LPP: variants seen among roughly 807,000 people sequenced by gnomAD.
LPP encodes the protein lipoma-preferred partner.
A neutral mutation model predicts 60.4 loss-of-function variants in LPP; 38 were observed. That is an observed-to-expected ratio of 0.63 (90% CI 0.49 to 0.83). The LOEUF is 0.83. Among genes scored for constraint, LPP ranks in the 40% least tolerant of loss-of-function variants. The pLI, the probability that LPP is intolerant of heterozygous loss-of-function variation, is 0.00. For missense variants in LPP, 902 were observed against 783.6 expected (o/e 1.15, Z -1.80); for synonymous variants, 328 against 290.8 (o/e 1.13, Z -1.30).
intron 2 of LPP, among the ~76,000 whole-genome samples, chr3:188,327,422 CCT>C (rs1758742235): frequency 6.8e-6 from 1 of 147,838 alleles, no homozygotes; most frequent in Admixed American, 6.7e-5. Context: ...CTTAATGGAT[CCT>C]TATATTGGAT....
At chr3:188,378,165 G>C (rs1170126463) in intron 3 of LPP, among the ~76,000 whole-genome samples, 1 of 152,212 alleles carries the variant, frequency 6.6e-6, no homozygotes, top group Non-Finnish European at 1.5e-5. Context: ...GGACCCACTT[G>C]AGGAGGCAGT....
At chr3:188,372,230 A>G (rs1357062678) in intron 3 of LPP, among the ~76,000 whole-genome samples, 2 of 152,090 alleles carry the variant, frequency 1.3e-5, no homozygotes, top group African/African-American at 4.8e-5. Context: ...GTCCCCCTCT[A>G]TAAATGGTAG....
At chr3:188,243,143 A>G (rs1725584884) in intron 2 of LPP, among the ~76,000 whole-genome samples, 1 of 152,198 alleles carries the variant, frequency 6.6e-6, no homozygotes, top group Non-Finnish European at 1.5e-5. Flanking sequence ...AAATACTAAT[A>G]AGAAATGCCA....
At chr3:188,338,775 C>A (rs1762330158) in intron 2 of LPP, among the ~76,000 whole-genome samples, 1 of 152,078 alleles carries the variant, frequency 6.6e-6, no homozygotes, top group African/African-American at 2.4e-5. Flanking sequence ...TACAAAATAT[C>A]AAGTATTTTG....
At chr3:188,722,801 G>C (rs1716971318) in intron 8 of LPP, among the ~76,000 whole-genome samples, 1 of 152,116 alleles carries the variant, frequency 6.6e-6, no homozygotes, top group Non-Finnish European at 1.5e-5. Flanking sequence ...GTATGAAAAA[G>C]TTTTCTAAAC....
intron 5 of LPP, among the ~76,000 whole-genome samples, chr3:188,518,547 C>T (rs1053784146): frequency 6.6e-6 from 1 of 152,132 alleles, no homozygotes; most frequent in Admixed American, 6.5e-5. Context: ...GTAAGACATT[C>T]CTTGAGCTCT....
intron 5 of LPP, among the ~76,000 whole-genome samples, chr3:188,510,707 A>C (rs534538838): frequency 6.6e-6 from 1 of 152,136 alleles, no homozygotes; most frequent in African/African-American, 2.4e-5. Context: ...CTCTTACTCT[A>C]TTTTTACCTT....
At chr3:188,295,050 G>A (rs1747395006) in intron 2 of LPP, among the ~76,000 whole-genome samples, 1 of 152,192 alleles carries the variant, frequency 6.6e-6, no homozygotes, top group African/African-American at 2.4e-5. Flanking sequence ...CTCACTTATT[G>A]TGTCAACAGA....
At chr3:188,291,708 T>G (rs1746040084) in intron 2 of LPP, among the ~76,000 whole-genome samples, 1 of 151,902 alleles carries the variant, frequency 6.6e-6, no homozygotes, top group Admixed American at 6.6e-5. Context: ...GTGGGGGGCT[T>G]GTAGCTTTCA....
intron 9 of LPP, among the ~76,000 whole-genome samples, chr3:188,845,370 G>T (rs1560285599): frequency 6.6e-6 from 1 of 152,204 alleles, no homozygotes. Context: ...AAAGGATGGG[G>T]TTATGGGGGC....
At chr3:188,454,895 CA>C (rs1042129819) in intron 4 of LPP, among the ~76,000 whole-genome samples, 3 of 152,162 alleles carry the variant, frequency 2.0e-5, no homozygotes, top group African/African-American at 7.2e-5. Flanking sequence ...GGTGGGGACA[CA>C]AAGCCATGAC....
At chr3:188,522,888 G>A (rs1005627541) in intron 5 of LPP, among the ~76,000 whole-genome samples, 45 of 142,516 alleles carry the variant, frequency 3.2e-4, no homozygotes, top group Admixed American at 7.2e-4. Flanking sequence ...ACATATATGT[G>A]TGTGTGTGTG....
chr3:188,623,717 C>CA (rs1340340578), intron 7 of LPP, among the ~76,000 whole-genome samples: 1 of 152,214 alleles, frequency 6.6e-6, no homozygotes. Flanking sequence ...TGCAGCAACT[C>CA]AAATTGTCAC....
At chr3:188,844,603 A>G (rs961406779) in intron 9 of LPP, among the ~76,000 whole-genome samples, 2 of 152,246 alleles carry the variant, frequency 1.3e-5, no homozygotes, top group Non-Finnish European at 2.9e-5. Flanking sequence ...ATTTATTCAT[A>G]TATTAGTCAA....
intron 4 of LPP, among the ~76,000 whole-genome samples, chr3:188,437,089 T>C (rs1026657493): frequency 2.0e-5 from 3 of 152,166 alleles, no homozygotes; most frequent in African/African-American, 4.8e-5. Flanking sequence ...CCATACCTTA[T>C]TTAGCCATTT....
chr3:188,322,914 A>T (rs549291386), intron 2 of LPP, among the ~76,000 whole-genome samples: 1 of 152,156 alleles, frequency 6.6e-6, no homozygotes, highest in Non-Finnish European at 1.5e-5. Flanking sequence ...TGGTTTTCTC[A>T]TGTATGTCTT....
chr3:188,232,269 A>C (rs546382995), intron 2 of LPP, among the ~76,000 whole-genome samples: 1 of 152,298 alleles, frequency 6.6e-6, no homozygotes, highest in Non-Finnish European at 1.5e-5. Flanking sequence ...GTCACTGAGA[A>C]TGTGGCTGGC....
intron 8 of LPP, among the ~76,000 whole-genome samples, chr3:188,715,965 T>C (rs946984610): frequency 5.9e-5 from 9 of 152,254 alleles, no homozygotes; most frequent in Non-Finnish European, 5.9e-5. Context: ...TGTAATTATC[T>C]TGACATTGTT....
At chr3:188,650,012 G>A (rs1372264768) in intron 7 of LPP, among the ~76,000 whole-genome samples, 2 of 152,074 alleles carry the variant, frequency 1.3e-5, no homozygotes, top group Non-Finnish European at 2.9e-5. Context: ...CTATCCATCT[G>A]TCTGTCTAGA....
Sources: allele counts gnomAD v4.1 joint callset (sites outside exome capture counted in the v4.1 genomes callset), GRCh38; gene constraint gnomAD v4.1.1; transcripts MANE v1.5; gene names NCBI Gene and HGNC (gene_info 2026-07-23, HGNC 2026-07-21).